The following SPG7 variants were observed in gnomAD, a reference collection of about 807,000 sequenced individuals.
SPG7 encodes SPG7 matrix AAA peptidase subunit, paraplegin.
Under a neutral mutation model 81.9 loss-of-function variants are expected in SPG7, and 103 were observed. The observed-to-expected ratio is 1.26, with a 90% confidence interval of 1.07 to 1.48. The LOEUF (loss-of-function observed/expected upper bound fraction) is 1.48. Ranked by LOEUF, SPG7 falls within the 40% of genes most tolerant of loss-of-function variation. SPG7 has a pLI of 0.00. For synonymous variants in SPG7, 534 were observed against 444.2 expected (o/e 1.20, Z -2.54); for missense variants, 1,241 against 1,087.3 (o/e 1.14, Z -1.99).
At chr16:89,528,119 G>A (rs1037218111) in intron 5 of SPG7, among the ~76,000 whole-genome samples, 10 of 150,756 alleles carry the variant, frequency 6.6e-5, no homozygotes, top group African/African-American at 2.0e-4. Flanking sequence ...GGCCGGGCGC[G>A]GTGGCTCACG....
intron 10 of SPG7, chr16:89,545,385 G>C (rs2058549719): frequency 5.0e-6 from 1 of 201,206 alleles, no homozygotes. Flanking sequence ...CTCCGGGTCT[G>C]CTGGTGGGTT....
At chr16:89,555,707 T>A (rs992154678) in intron 16 of SPG7, 4 of 397,258 alleles carry the variant, frequency 1.0e-5, no homozygotes, top group Non-Finnish European at 1.8e-5. Flanking sequence ...TGCGATTGTC[T>A]GATGTGTTTC....
intron 1 of SPG7, chr16:89,509,081 C>G: frequency 2.4e-6 from 1 of 408,284 alleles, no homozygotes. Context: ...TAGCTCGGCA[C>G]GTTATTGATA....
chr16:89,557,021 C>G lies in SPG7; in HGVS notation c.2316C>G (p.Asp772Glu), dbSNP rs766743469. 1.9e-6 allele frequency: 3 copies of G among 1,613,490 alleles called. No individual in the cohort carries two copies. The Admixed American group carries it at 5.0e-5, about 27-fold the overall frequency. ...TCGACGCCCAGAGGGAGAAACAGGA[C>G]TTGGGCGAGGAGGAGACCGAAGAGA... ...RWIDAQREKQ[D>E]LGEEETEETQ... Residue 772 changes from aspartate to glutamate, a missense_variant, in exon 17 of 17, where the codon GAC (aspartate) becomes GAG (glutamate). Coordinates refer to ENST00000645818, the MANE Select transcript of SPG7 (RefSeq NM_003119.4).
In SPG7 at chr16:89,550,546, G is replaced by A. The variant is rs114763523; in HGVS notation, c.1716G>A (p.Ala572=). The change falls in exon 13 of 17, where the codon GCG becomes GCA. Residue 572 remains alanine (A), a synonymous_variant. Coordinates refer to ENST00000645818, the MANE Select transcript of SPG7 (RefSeq NM_003119.4). ...ILSKEEQKVV[A]FHESGHALVG... is the part of the protein sequence containing the mutation. ...CCAAGGAAGAACAGAAAGTGGTTGC[G>A]TTTCATGAGTCGGGCCACGCCTTGG... 4.0e-5 allele frequency: 64 copies of A among 1,614,040 alleles called. No homozygotes were observed. The East Asian group carries it at 8.5e-4, about 21-fold the overall frequency.
intron 5 of SPG7, among the ~76,000 whole-genome samples, chr16:89,528,119 G>C (rs1037218111): frequency 6.6e-6 from 1 of 150,758 alleles, no homozygotes; most frequent in African/African-American, 2.4e-5. Flanking sequence ...GGCCGGGCGC[G>C]GTGGCTCACG....
chr16:89,546,963 C>T (rs2058572409), intron 11 of SPG7: 1 of 579,982 alleles, frequency 1.7e-6, no homozygotes, highest in Admixed American at 2.6e-5. Context: ...GTCCTCCGCC[C>T]CGGGGTGGAA....
Position 89,532,609 on chromosome 16 carries a change from C to G in SPG7, c.1297C>G (p.Leu433Val). 3.1e-6 allele frequency: 5 copies of G among 1,613,756 alleles called. No individual in the cohort carries two copies. Among genetic ancestry groups the G allele is most frequent in the Non-Finnish European group, 4.2e-6 (5 of 1,180,042 alleles). The change falls in exon 9 of 17, where the codon CTC (leucine) becomes GTC (valine). Residue 433 changes from leucine (L) to valine (V), a missense_variant. Transcript: ENST00000645818. ...GFSNTEEEQT[L>V]NQLLVEMDGM... is the part of the protein sequence containing the mutation. The stretch of plus-strand genomic sequence containing the variant: ...CTCCAACACGGAGGAGGAGCAGACG[C>G]TCAACCAGCTTCTGGTAGAAATGGA...
intron 9 of SPG7, chr16:89,537,662 G>C: frequency 3.1e-6 from 3 of 968,040 alleles, no homozygotes; most frequent in Non-Finnish European, 3.7e-6. Context: ...CTCAAGGCTT[G>C]AGTCACCATG....
At chr16:89,545,263 C>T (rs933216463) in intron 10 of SPG7, 6 of 263,358 alleles carry the variant, frequency 2.3e-5, no homozygotes, top group Non-Finnish European at 3.7e-5. Context: ...CCTGATCCCT[C>T]CTCTGTCACA....
chr16:89,538,759 G>A (rs1005335985), intron 9 of SPG7: 1 of 152,418 alleles, frequency 6.6e-6, no homozygotes, highest in African/African-American at 2.4e-5. Context: ...TCTCCAACAG[G>A]GAATGGAAGG....
intron 15 of SPG7, 110 bp downstream of exon 15, chr16:89,554,070 GC>G: frequency 2.6e-6 from 3 of 1,173,176 alleles, no homozygotes; most frequent in Non-Finnish European, 3.6e-6. Context: ...TCAGCTGCAG[GC>G]CCCACCTGGG....
chr16:89,532,352 A>G lies in SPG7; in HGVS notation c.1151-111A>G, dbSNP rs463701. 597,883 of 1,316,676 alleles carry G rather than the reference A, an allele frequency of 0.45. 139,687 individuals are homozygous for G. The highest frequency in any genetic ancestry group is 0.69 in the East Asian group (29,430 of 42,792). The allele number at this position is 1,316,676 out of a possible 1,614,324, so 81.6% of individuals were successfully genotyped here. ...CCGTGTGTCTGTTTGTAGGGAATGG[A>G]GCTGGTAGCTTTAGTTGTCCTTGGT... On this transcript the variant is annotated intron_variant, in intron 8 of 16. Coordinates refer to ENST00000645818, the MANE Select transcript of SPG7 (RefSeq NM_003119.4).
chr16:89,513,170 C>A, intron 3 of SPG7, 133 bp downstream of exon 3: 1 of 1,344,716 alleles, frequency 7.4e-7, no homozygotes, highest in Non-Finnish European at 1.0e-6. Flanking sequence ...CACTTGTAAT[C>A]GAAACGCTTT....
intron 7 of SPG7, chr16:89,531,638 T>G: frequency 1.3e-5 from 6 of 477,068 alleles, no homozygotes; most frequent in Non-Finnish European, 1.9e-5. Flanking sequence ...CCTCCCAAAA[T>G]GTTGGAATTC....
rs774999325 is a variant in SPG7, at chr16:89,508,488, G to T, written c.71G>T (p.Gly24Val). ...GGCCCGGGTCCTCGGCCGCTGTGGG[G>T]CCCAGGCCCGGCCTGGAGTCCAGGG... Reference protein sequence around the residue: ...GPGPGPRPLWGPGPAWSPGFP... With the variant: ...GPGPGPRPLWVPGPAWSPGFP... Residue 24 changes from glycine to valine, a missense_variant, in exon 1 of 17, where the codon GGC (glycine) becomes GTC (valine). Gly to Val is a moderately radical substitution (Grantham distance 109, BLOSUM62 -3). Transcript: ENST00000645818. 2.6e-6 allele frequency: 4 copies of T among 1,510,630 alleles called. No individual in the cohort carries two copies. The highest frequency in any genetic ancestry group is 1.2e-5 in the South Asian group (1 of 81,502). 93.6% of individuals were successfully genotyped at this position (1,510,630 alleles called of 1,614,324 possible).
intron 3 of SPG7, among the ~76,000 whole-genome samples, chr16:89,516,201 T>A (rs1377288691): frequency 6.6e-6 from 1 of 151,900 alleles, no homozygotes; most frequent in Non-Finnish European, 1.5e-5. Context: ...TTGGTCAGGC[T>A]AGTCTCAAAC....
intron 4 of SPG7, 134 bp from the exon 5 acceptor site, chr16:89,526,195 A>C: frequency 9.9e-7 from 1 of 1,013,898 alleles, no homozygotes; most frequent in South Asian, 1.3e-5. Context: ...AATCACCTCT[A>C]GTTTCTGAAT....
chr16:89,546,300 G>A, intron 10 of SPG7: 1 of 335,784 alleles, frequency 3.0e-6, no homozygotes, highest in Non-Finnish European at 5.8e-6. Context: ...TGGCCAGACT[G>A]CCCACTTCAG....
Sources: gnomAD v4.1 joint callset for allele counts (sites outside exome capture counted in the v4.1 genomes callset) on GRCh38, gnomAD v4.1.1 for gene constraint, MANE v1.5 for transcripts, NCBI Gene and HGNC (gene_info 2026-07-23, HGNC 2026-07-21) for gene names.